GRID2: variants seen among roughly 807,000 people sequenced by gnomAD.
The protein encoded by GRID2 is glutamate ionotropic receptor delta type subunit 2.
A neutral mutation model predicts 114.8 loss-of-function variants in GRID2; 33 were observed. The observed-to-expected ratio is 0.29, with a 90% CI of 0.22 to 0.38. The LOEUF (loss-of-function observed/expected upper bound fraction) is 0.38. Among genes scored for constraint, GRID2 ranks in the 10% least tolerant of loss-of-function variants. The pLI is 1.00. For synonymous variants in GRID2, 505 were observed against 449.9 expected, an observed-to-expected ratio of 1.12 and a Z score of -1.55; for missense variants, 1,184 against 1,257.7, an observed-to-expected ratio of 0.94 and a Z score of 0.89.
intron 2 of GRID2, among the ~76,000 whole-genome samples, chr4:92,796,815 C>T (rs573755472): frequency 2.6e-5 from 4 of 151,964 alleles, no homozygotes; most frequent in African/African-American, 9.6e-5. Flanking sequence ...TTAGACTTTT[C>T]CCCTTCCTCG....
chr4:93,612,366 G>A (rs971024571), intron 13 of GRID2, among the ~76,000 whole-genome samples: 1 of 149,600 alleles, frequency 6.7e-6, no homozygotes, highest in African/African-American at 2.5e-5. Context: ...GATGTTAGCT[G>A]GTTATTTTGC....
chr4:93,392,883 T>A (rs1485314237), intron 8 of GRID2, among the ~76,000 whole-genome samples: 2 of 152,172 alleles, frequency 1.3e-5, no homozygotes, highest in African/African-American at 4.8e-5. Flanking sequence ...ATATATGTGA[T>A]CTTAATGAAG....
chr4:93,394,767 G>T (rs1765173309), intron 8 of GRID2, among the ~76,000 whole-genome samples: 1 of 151,954 alleles, frequency 6.6e-6, no homozygotes, highest in Non-Finnish European at 1.5e-5. Context: ...CTCAAGATGT[G>T]CATTACAACA....
chr4:93,582,475 A>G (rs1185272500), intron 13 of GRID2, among the ~76,000 whole-genome samples: 1 of 152,176 alleles, frequency 6.6e-6, no homozygotes, highest in Non-Finnish European at 1.5e-5. Flanking sequence ...GGGATAAAGC[A>G]TTATTCTGCC....
chr4:92,522,858 T>C (rs943219970), intron 1 of GRID2, among the ~76,000 whole-genome samples: 1 of 151,908 alleles, frequency 6.6e-6, no homozygotes, highest in African/African-American at 2.4e-5. Context: ...TACTAAAAAA[T>C]CAAATAGAGA....
At chr4:93,771,583 C>T (rs6836843) in intron 15 of GRID2, among the ~76,000 whole-genome samples, 152,237 of 152,344 alleles carry the variant, frequency 1, 76,065 homozygotes, top group Admixed American at 1. Context: ...ACTAACACTT[C>T]AGTATGAAAT....
rs962531140 is a variant in GRID2 at position 92,592,794 on chromosome 4, T to C, written c.244+2508T>C. ...CAATATCAAGAAGGGTTTCAGTTAA[T>C]GTTAGAAGTAAAAATACTTATTTAT... On this transcript the variant is annotated intron_variant, in intron 2 of 15. Transcript: ENST00000282020. Among the ~76,000 whole-genome samples the C allele has an allele frequency of 4.0e-5, 6 of 151,528 alleles. No individual in the cohort carries two copies. In the Admixed American group the frequency reaches 4.0e-4, roughly 10 times the overall value.
intron 2 of GRID2, among the ~76,000 whole-genome samples, chr4:92,855,760 T>G (rs1217907149): frequency 1.3e-5 from 2 of 152,012 alleles, no homozygotes; most frequent in African/African-American, 4.8e-5. Context: ...AAGTATAATA[T>G]GAATTATTTT....
At chr4:92,833,266 A>G (rs1742240616) in intron 2 of GRID2, among the ~76,000 whole-genome samples, 1 of 152,196 alleles carries the variant, frequency 6.6e-6, no homozygotes, top group African/African-American at 2.4e-5. Flanking sequence ...GTAGTTTTCC[A>G]TAAATATTGG....
chr4:92,955,643 G>T (rs1752350248), intron 2 of GRID2, among the ~76,000 whole-genome samples: 1 of 151,992 alleles, frequency 6.6e-6, no homozygotes, highest in Non-Finnish European at 1.5e-5. Context: ...TGTCAATTTT[G>T]GCTTTTGTTG....
At chr4:93,099,648 A>G (rs1303141274) in intron 3 of GRID2, among the ~76,000 whole-genome samples, 1 of 151,920 alleles carries the variant, frequency 6.6e-6, no homozygotes, top group Non-Finnish European at 1.5e-5. Context: ...AGGGTTATTT[A>G]TGGGCTCCAC....
At chr4:93,593,022 C>T (rs530782197) in intron 13 of GRID2, among the ~76,000 whole-genome samples, 1 of 151,908 alleles carries the variant, frequency 6.6e-6, no homozygotes, top group East Asian at 2.0e-4. Flanking sequence ...ATTTGCCAGT[C>T]TGTGTCTTTT....
chr4:93,675,703 G>T (rs1280585753), intron 14 of GRID2, among the ~76,000 whole-genome samples: 1 of 152,184 alleles, frequency 6.6e-6, no homozygotes, highest in Non-Finnish European at 1.5e-5. Flanking sequence ...AGCAGTGAAA[G>T]ATTTAGGAGA....
chr4:93,605,967 G>A (rs1426573024), intron 13 of GRID2, among the ~76,000 whole-genome samples: 2 of 152,082 alleles, frequency 1.3e-5, no homozygotes, highest in East Asian at 3.9e-4. Context: ...TAGAGAGGAT[G>A]GTAGAAAGTA....
intron 1 of GRID2, among the ~76,000 whole-genome samples, chr4:93,788,382 G>A (rs977493699): frequency 6.6e-6 from 1 of 152,026 alleles, no homozygotes; most frequent in African/African-American, 2.4e-5. Flanking sequence ...GGAGTCTCAG[G>A]ATAAGCAGAT....
At chr4:93,268,141 T>G (rs1751058085) in intron 8 of GRID2, among the ~76,000 whole-genome samples, 1 of 152,250 alleles carries the variant, frequency 6.6e-6, no homozygotes, top group Admixed American at 6.5e-5. Flanking sequence ...GCTTTAATGT[T>G]GAACTCCTGT....
chr4:93,345,570 T>C (rs1439113676), intron 8 of GRID2, among the ~76,000 whole-genome samples: 1 of 152,060 alleles, frequency 6.6e-6, no homozygotes, highest in Non-Finnish European at 1.5e-5. Context: ...TTTGCAAGTA[T>C]TTTTTTCCCA....
intron 2 of GRID2, among the ~76,000 whole-genome samples, chr4:93,055,120 T>G (rs2149285667): frequency 6.6e-6 from 1 of 152,068 alleles, no homozygotes; most frequent in South Asian, 2.1e-4. Context: ...TTTAATCCTT[T>G]ATTTACATGT....
At chr4:93,628,053 A>C (rs1742886434) in intron 14 of GRID2, among the ~76,000 whole-genome samples, 1 of 152,168 alleles carries the variant, frequency 6.6e-6, no homozygotes, top group African/African-American at 2.4e-5. Context: ...GCATGCCTGT[A>C]ATCTCAGCTA....
Sources: allele counts gnomAD v4.1 joint callset (sites outside exome capture counted in the v4.1 genomes callset), GRCh38; gene constraint gnomAD v4.1.1; transcripts MANE v1.5; gene names NCBI Gene and HGNC (gene_info 2026-07-23, HGNC 2026-07-21).